Variants in ZCCHC2 observed in about 807,000 individuals in gnomAD.
The protein encoded by ZCCHC2 is zinc finger CCHC-type containing 2.
In ZCCHC2, 39 loss-of-function variants were observed where a neutral mutation model predicts 103.6. The ratio of observed to expected loss-of-function variants is 0.38; its 90% CI spans 0.29 to 0.49. The LOEUF (loss-of-function observed/expected upper bound fraction) is 0.49, where lower values mean the gene tolerates loss of function less well. ZCCHC2 is among the 20% of genes least tolerant of loss of function. The pLI is 0.96. For synonymous variants in ZCCHC2, 687 were observed against 608.9 expected, an observed-to-expected ratio of 1.13 and a Z score of -1.89; for missense variants, 1,483 against 1,491.0, an observed-to-expected ratio of 0.99 and a Z score of 0.09.
chr18:62,523,376 G>GGGGGGGCGC lies in ZCCHC2; in HGVS notation c.-49_-48insGGGGGGCGC. 9.9e-7 allele frequency: 1 copy of GGGGGGGCGC among 1,012,352 alleles called. No homozygotes were observed. Among genetic ancestry groups the GGGGGGGCGC allele is most frequent in the Non-Finnish European group, 1.2e-6 (1 of 848,988 alleles). The allele number at this position is 1,012,352 out of a possible 1,614,324, so 62.7% of individuals were successfully genotyped here. ...GCCTCGGCCCGTGCTCCACCTCGCG[G>GGGGGGGCGC]CCCCTCCCGCCCGCCCCCGCTCGCA... On this transcript the variant is annotated 5_prime_UTR_variant, in exon 1 of 14. Transcript: ENST00000269499.
intron 1 of ZCCHC2, 73 bp downstream of exon 1, chr18:62,524,436 G>C: frequency 1.4e-6 from 2 of 1,424,106 alleles, no homozygotes; most frequent in Non-Finnish European, 1.8e-6. Flanking sequence ...CTCGCTCTCG[G>C]ACGCCCCTTG....
chr18:62,523,259 G>A lies in ZCCHC2; in HGVS notation c.-166G>A, dbSNP rs1328395940. ...ACGACGCCAGCGACCCCGCCGGCCG[G>A]CCACCGCCCCCCTCGCCGGCCGAGA... On this transcript the variant is annotated 5_prime_UTR_variant, in exon 1 of 14. Transcript: ENST00000269499. 15 of 554,150 alleles carry A rather than the reference G, an allele frequency of 2.7e-5. No homozygotes were observed. Among genetic ancestry groups the A allele is most frequent in the Non-Finnish European group, 3.2e-5 (14 of 436,212 alleles). 34.3% of individuals were successfully genotyped at this position (554,150 alleles called of 1,614,324 possible).
rs759542399 is a variant in ZCCHC2 at position 62,563,047 on chromosome 18, C to T, written c.1589C>T (p.Thr530Ile). ...AGTTGTTCTCCATTGGATGGGCTTA[C>T]CATGCAATATTCTGAACAGAATGGA... Reference protein sequence around the residue: ...GTSCSPLDGLTMQYSEQNGIV... With the variant: ...GTSCSPLDGLIMQYSEQNGIV... The change falls in exon 9 of 14, where the codon ACC becomes ATC. Residue 530 changes from threonine to isoleucine, a missense_variant. Physicochemically the swap from Thr to Ile is moderately conservative, Grantham distance 89 (BLOSUM62 -1). Coordinates refer to ENST00000269499, the MANE Select transcript of ZCCHC2 (RefSeq NM_017742.6). 6.2e-7 allele frequency: 1 copy of T among 1,613,462 alleles called. No individual in the cohort carries two copies. The highest frequency in any genetic ancestry group is 2.2e-5 in the East Asian group (1 of 44,874).
rs1438779317 is a variant in ZCCHC2 at position 62,575,361 on chromosome 18, G to A, written c.3280G>A (p.Ala1094Thr). Residue 1094 changes from alanine (A) to threonine (T), a missense_variant, in exon 13 of 14, where the codon GCC becomes ACC. Ala to Thr is a moderately conservative substitution (Grantham distance 58). Coordinates refer to ENST00000269499, the MANE Select transcript of ZCCHC2 (RefSeq NM_017742.6). ...ACATGACCCAGTCATGGGGAGCCAA[G>A]CCAACTATGGCATGCAGCAGATGGC... ...LVHDPVMGSQ[A>T]NYGMQQMAGF... 6 of 1,613,926 alleles carry A rather than the reference G, an allele frequency of 3.7e-6. No homozygotes were observed. Among genetic ancestry groups the A allele is most frequent in the Non-Finnish European group, 5.1e-6 (6 of 1,179,864 alleles).
rs1916730809 is a variant in ZCCHC2, at chr18:62,574,502, T to A, written c.2421T>A (p.Ala807=). 6.2e-7 allele frequency: 1 copy of A among 1,613,902 alleles called. No individual in the cohort carries two copies. The highest frequency in any genetic ancestry group is 8.5e-7 in the Non-Finnish European group (1 of 1,179,906). ...STFLPHSSTP[A]LHLTVQRLKL... ...TCCTTCCACACAGTAGTACTCCCGCTTTGCATCTTACAGTTCAGAGGCTAA... is the reference window on the plus strand; with the variant it reads ...TCCTTCCACACAGTAGTACTCCCGCATTGCATCTTACAGTTCAGAGGCTAA... The change falls in exon 13 of 14, where the codon GCT becomes GCA. Residue 807 remains alanine (A), a synonymous_variant. Transcript: ENST00000269499.
chr18:62,542,357 T>G (rs1445199317), intron 2 of ZCCHC2, 141 bp from the exon 3 acceptor site: 3 of 597,342 alleles, frequency 5.0e-6, no homozygotes, highest in Admixed American at 3.4e-5. Context: ...TTTTTTTATT[T>G]CATGATTTAA....
intron 5 of ZCCHC2, chr18:62,551,812 C>T (rs1438141604): frequency 1.3e-5 from 2 of 152,412 alleles, no homozygotes; most frequent in African/African-American, 2.4e-5. Flanking sequence ...AAATACATTA[C>T]ATAAAAGCAG....
At position 62,553,855 on chromosome 18, in the gene ZCCHC2, T is replaced by G. The variant is rs892418603; in HGVS notation, c.1314-2348T>G. Among the ~76,000 whole-genome samples the G allele has an allele frequency of 4.6e-5, 7 of 152,228 alleles. No individual in the cohort carries two copies. In the East Asian group the frequency reaches 1.2e-3, roughly 25 times the overall value. On this transcript the variant is annotated intron_variant, in intron 5 of 13. Transcript: ENST00000269499. ...TCCACACTTTATTGGTGTCACTGAT[T>G]GGAAGAGTTACTTGTTAGATAAAGA...
At chr18:62,524,959 C>T (rs184824664) in intron 1 of ZCCHC2, 100 of 152,696 alleles carry the variant, frequency 6.5e-4, no homozygotes, top group Middle Eastern at 3.4e-3. Flanking sequence ...GTCCTTGTGG[C>T]TTCTGCTCTG....
At chr18:62,570,378 T>C (rs1916547250) in intron 12 of ZCCHC2, 147 bp downstream of exon 12, 2 of 1,038,946 alleles carry the variant, frequency 1.9e-6, no homozygotes, top group Admixed American at 5.4e-5. Flanking sequence ...AAAGTCGTTA[T>C]AAAGGATGTC....
At chr18:62,550,497 A>T in intron 5 of ZCCHC2, 37 bp downstream of exon 5, 7 of 1,536,806 alleles carry the variant, frequency 4.6e-6, no homozygotes, top group Non-Finnish European at 6.3e-6. Context: ...AGCAGCATAC[A>T]CACAGGACAA....
chr18:62,578,168 T>TG lies in ZCCHC2; in HGVS notation c.*1593dup, dbSNP rs1488099489. On this transcript the variant is annotated 3_prime_UTR_variant, in exon 14 of 14. Transcript: ENST00000269499. ...AACTTTCTTTCAGGGGTGGGAGTTATGGGGAAGGGGTGGGTGTGAAGGGGT... is the reference window on the plus strand; with the variant it reads ...AACTTTCTTTCAGGGGTGGGAGTTATGGGGGAAGGGGTGGGTGTGAAGGGGT... 1 of 149,468 alleles carries TG rather than the reference T, an allele frequency of 6.7e-6. No homozygotes were observed. Among genetic ancestry groups the TG allele is most frequent in the African/African-American group, 2.5e-5 (1 of 40,496 alleles). 9.3% of individuals were successfully genotyped at this position (149,468 alleles called of 1,614,324 possible).
At chr18:62,570,055 T>A in intron 11 of ZCCHC2, 48 bp from the exon 12 acceptor site, 2 of 1,497,450 alleles carry the variant, frequency 1.3e-6, no homozygotes, top group Non-Finnish European at 1.8e-6. Context: ...TAGAAATTAA[T>A]TTAAAATGAC....
In ZCCHC2 at chr18:62,575,217, C is replaced by CCTTCATT. The variant is rs1203347997; in HGVS notation, c.3140_3146dup (p.Thr1050IlefsTer40). 1 of 1,613,890 alleles carries CCTTCATT rather than the reference C, an allele frequency of 6.2e-7. No individual in the cohort carries two copies. The highest frequency in any genetic ancestry group is 1.3e-5 in the African/African-American group (1 of 74,936). On this transcript the variant is annotated frameshift_variant, in exon 13 of 14. Transcript: ENST00000269499. LOFTEE classifies it high-confidence loss of function. ...AATGCCTGGACCAATGTACCGAGTC[C>CCTTCATT]CTTCATTCTTTACTCTGCCATCCAT...
In ZCCHC2 at chr18:62,574,942, A is replaced by G. The variant is rs1226501970; in HGVS notation, c.2861A>G (p.Gln954Arg). 3.1e-6 allele frequency: 5 copies of G among 1,613,768 alleles called. No homozygotes were observed. The Admixed American group carries it at 8.3e-5, about 27-fold the overall frequency. The change falls in exon 13 of 14, where the codon CAG becomes CGG. Residue 954 changes from glutamine (Q) to arginine (R), a missense_variant. Gln to Arg is a conservative substitution (Grantham distance 43). Coordinates refer to ENST00000269499, the MANE Select transcript of ZCCHC2 (RefSeq NM_017742.6). ...GCGAGCGCAGGTATCAGCCAGGCCCAGGCAACTGTTCCTCCTGCAGTTCCT... is the reference window on the plus strand; with the variant it reads ...GCGAGCGCAGGTATCAGCCAGGCCCGGGCAACTGTTCCTCCTGCAGTTCCT... ...QPASAGISQA[Q>R]ATVPPAVPTH...
At position 62,558,627 on chromosome 18, in the gene ZCCHC2, T is replaced by A. The variant is rs771121949; in HGVS notation, c.1409-60T>A. The A allele has an allele frequency of 4.1e-4, 422 of 1,019,212 alleles. 3 individuals carry two copies. Among genetic ancestry groups the A allele is most frequent in the Admixed American group, 1.5e-3 (45 of 30,584 alleles). 63.1% of individuals were successfully genotyped at this position (1,019,212 alleles called of 1,614,324 possible). On this transcript the variant is annotated intron_variant, in intron 6 of 13. Coordinates refer to ENST00000269499, the MANE Select transcript of ZCCHC2 (RefSeq NM_017742.6). The stretch of plus-strand genomic sequence containing the variant: ...TCCTTAGGTAAAAAAACAATTATTA[T>A]ATTTGTTTTCTTTATTTTAATTTTC...
rs1914171430 is a variant in ZCCHC2, at chr18:62,523,623, C to T, written c.199C>T (p.Leu67Phe). Residue 67 changes from leucine to phenylalanine, a missense_variant, in exon 1 of 14, where the codon CTC becomes TTC. Leu to Phe is a conservative substitution (Grantham distance 22, BLOSUM62 0). Coordinates refer to ENST00000269499, the MANE Select transcript of ZCCHC2 (RefSeq NM_017742.6). ...GCCGCCGCCGCCGCCGCCCCGGGGA[C>T]TCGGGCCGCCTGTTGCTGGTGGAGC... The part of the protein sequence containing the change: ...PLPPPPPPRG[L>F]GPPVAGGAAA... 11 of 1,209,234 alleles carry T rather than the reference C, an allele frequency of 9.1e-6. 1 individual carries two copies. The highest frequency in any genetic ancestry group is 7.9e-5 in the South Asian group (2 of 25,470). 74.9% of individuals were successfully genotyped at this position (1,209,234 alleles called of 1,614,324 possible).
chr18:62,547,134 G>A (rs1915447778), intron 4 of ZCCHC2, among the ~76,000 whole-genome samples: 1 of 151,978 alleles, frequency 6.6e-6, no homozygotes, highest in Non-Finnish European at 1.5e-5. Context: ...AGACCAGCCT[G>A]ACCAACATGG....
At chr18:62,556,717 C>A (rs111971441) in intron 6 of ZCCHC2, among the ~76,000 whole-genome samples, 2,970 of 152,298 alleles carry the variant, frequency 0.02, 102 homozygotes, top group African/African-American at 0.068. Flanking sequence ...TCTTTGTTTT[C>A]ATCACGGAAA....
Sources: gnomAD v4.1 joint callset for allele counts (sites outside exome capture counted in the v4.1 genomes callset) on GRCh38, gnomAD v4.1.1 for gene constraint, MANE v1.5 for transcripts, NCBI Gene and HGNC (gene_info 2026-07-23, HGNC 2026-07-21) for gene names.